PPARGC1A: variants seen among roughly 807,000 people sequenced by gnomAD.
PPARGC1A encodes the protein PPARG coactivator 1 alpha.
A neutral mutation model predicts 88.7 loss-of-function variants in PPARGC1A; 25 were observed. That is an observed-to-expected ratio of 0.28 (90% CI 0.21 to 0.39). The LOEUF is 0.39. PPARGC1A is among the 10% of genes least tolerant of loss of function. The pLI, the probability that PPARGC1A is intolerant of heterozygous loss-of-function variation, is 1.00. For synonymous variants in PPARGC1A, 363 were observed against 355.6 expected (o/e 1.02, Z -0.24); for missense variants, 880 against 968.7 (o/e 0.91, Z 1.22).
the PPARGC1A span, among the ~76,000 whole-genome samples, chr4:23,938,376 T>C: frequency 2.0e-5 from 3 of 152,230 alleles, no homozygotes; most frequent in African/African-American, 7.2e-5. Flanking sequence ...TTCTAGGTCA[T>C]TCATTTATTT....
At chr4:24,342,197 G>A in the PPARGC1A span, among the ~76,000 whole-genome samples, 1 of 152,064 alleles carries the variant, frequency 6.6e-6, no homozygotes, top group South Asian at 2.1e-4. Flanking sequence ...AATACTTATT[G>A]ACTGAACTTC....
At chr4:23,919,379 T>A in the PPARGC1A span, among the ~76,000 whole-genome samples, 1 of 152,108 alleles carries the variant, frequency 6.6e-6, no homozygotes, top group Admixed American at 6.5e-5. Flanking sequence ...TAAAATACAT[T>A]GGGCCTCAGT....
chr4:24,101,986 A>G, the PPARGC1A span, among the ~76,000 whole-genome samples: 1 of 152,188 alleles, frequency 6.6e-6, no homozygotes, highest in Non-Finnish European at 1.5e-5. Context: ...AGGGAAAGAC[A>G]GATAAGCAAC....
chr4:24,289,408 A>G, the PPARGC1A span, among the ~76,000 whole-genome samples: 1 of 151,876 alleles, frequency 6.6e-6, no homozygotes, highest in Non-Finnish European at 1.5e-5. Flanking sequence ...CCCCTCTAAC[A>G]TGGCCATCAA....
chr4:24,074,112 C>G, the PPARGC1A span, among the ~76,000 whole-genome samples: 2 of 152,124 alleles, frequency 1.3e-5, no homozygotes, highest in Non-Finnish European at 2.9e-5. Flanking sequence ...GGGATTTCCA[C>G]TCATTGGAAA....
chr4:24,368,481 T>C, the PPARGC1A span, among the ~76,000 whole-genome samples: 2 of 152,166 alleles, frequency 1.3e-5, no homozygotes, highest in African/African-American at 4.8e-5. Flanking sequence ...CTCTTTTCTA[T>C]AGATCCTTGT....
the PPARGC1A span, among the ~76,000 whole-genome samples, chr4:24,009,427 G>T: frequency 1.2e-4 from 19 of 152,248 alleles, no homozygotes; most frequent in East Asian, 1.2e-3. Flanking sequence ...GAGGCAATGT[G>T]AGTGACATTA....
the PPARGC1A span, among the ~76,000 whole-genome samples, chr4:23,958,794 A>G: frequency 6.6e-6 from 1 of 152,264 alleles, no homozygotes; most frequent in South Asian, 2.1e-4. Flanking sequence ...ATGGAATAAA[A>G]ATAGATTGAC....
chr4:24,039,765 T>C, the PPARGC1A span, among the ~76,000 whole-genome samples: 4 of 152,112 alleles, frequency 2.6e-5, no homozygotes, highest in African/African-American at 4.8e-5. Context: ...CTAGAGTTGC[T>C]TATAGAAGTA....
At chr4:23,890,944 C>T (rs570021019), upstream of PPARGC1A, among the ~76,000 whole-genome samples, 1 of 152,082 alleles carries the variant, frequency 6.6e-6, no homozygotes, top group Admixed American at 6.5e-5. Flanking sequence ...CCTTAGGGTG[C>T]CTTTTTGAAT....
At chr4:23,816,936 T>G (rs953048558) in intron 7 of PPARGC1A, among the ~76,000 whole-genome samples, 7 of 152,208 alleles carry the variant, frequency 4.6e-5, no homozygotes, top group Admixed American at 6.5e-5. Flanking sequence ...TTTTTCTAGA[T>G]TCTCCTTTAG....
the PPARGC1A span, among the ~76,000 whole-genome samples, chr4:24,156,734 CTCTT>C: frequency 2.8e-5 from 4 of 144,582 alleles, no homozygotes; most frequent in Admixed American, 7.2e-5. Flanking sequence ...TTTTCTCTCT[CTCTT>C]TTTTTTTTTT....
At chr4:24,464,568 C>A in the PPARGC1A span, among the ~76,000 whole-genome samples, 1 of 152,186 alleles carries the variant, frequency 6.6e-6, no homozygotes, top group Non-Finnish European at 1.5e-5. Flanking sequence ...AACCAACACA[C>A]TTTCTAATAC....
At chr4:24,164,950 T>C in the PPARGC1A span, among the ~76,000 whole-genome samples, 1 of 152,142 alleles carries the variant, frequency 6.6e-6, no homozygotes, top group Admixed American at 6.5e-5. Flanking sequence ...TTATTTGGTG[T>C]GGGAGAGGAG....
At chr4:23,845,477 G>A (rs2148637986) in intron 2 of PPARGC1A, among the ~76,000 whole-genome samples, 1 of 152,204 alleles carries the variant, frequency 6.6e-6, no homozygotes, top group South Asian at 2.1e-4. Flanking sequence ...TCTGATTACT[G>A]TAATATCCTG....
chr4:23,959,771 T>G, the PPARGC1A span, among the ~76,000 whole-genome samples: 52,764 of 151,920 alleles, frequency 0.35, 9,577 homozygotes, highest in Middle Eastern at 0.43. Context: ...TCCTTCTCAT[T>G]TATAGAGCAG....
the PPARGC1A span, among the ~76,000 whole-genome samples, chr4:24,369,590 C>T: frequency 6.6e-6 from 1 of 151,988 alleles, no homozygotes; most frequent in Non-Finnish European, 1.5e-5. Flanking sequence ...AAAAAATGCT[C>T]AGGGTCACAC....
chr4:24,201,529 A>C, the PPARGC1A span, among the ~76,000 whole-genome samples: 1 of 152,238 alleles, frequency 6.6e-6, no homozygotes, highest in Non-Finnish European at 1.5e-5. Context: ...CTTATGTTCA[A>C]ATAAGATTGT....
the PPARGC1A span, among the ~76,000 whole-genome samples, chr4:24,124,533 G>C: frequency 1.3e-5 from 2 of 152,296 alleles, no homozygotes; most frequent in South Asian, 2.1e-4. Context: ...TGTCATTTCA[G>C]AGCAGCGTGG....
Sources: allele counts gnomAD v4.1 joint callset (sites outside exome capture counted in the v4.1 genomes callset), GRCh38; gene constraint gnomAD v4.1.1; transcripts MANE v1.5; gene names NCBI Gene and HGNC (gene_info 2026-07-23, HGNC 2026-07-21).